OR2C1: variants seen among roughly 807,000 people sequenced by gnomAD.
OR2C1 encodes olfactory receptor family 2 subfamily C member 1.
For synonymous variants in OR2C1, 209 were observed against 167.3 expected (o/e 1.25, Z -1.92); for missense variants, 468 against 388.3 (o/e 1.21, Z -1.73).
At chr16:3,348,356 A>G in the OR2C1 span, among the ~76,000 whole-genome samples, 1 of 152,198 alleles carries the variant, frequency 6.6e-6, no homozygotes, top group Non-Finnish European at 1.5e-5. Flanking sequence ...CAATGAGATT[A>G]TCCAGTTCCT....
chr16:3,332,563 C>A, the OR2C1 span, among the ~76,000 whole-genome samples: 4 of 152,040 alleles, frequency 2.6e-5, no homozygotes, highest in Admixed American at 6.6e-5. Flanking sequence ...TCATGAGATT[C>A]ACTTTATCAG....
At chr16:3,340,903 GT>G in the OR2C1 span, among the ~76,000 whole-genome samples, 1 of 148,724 alleles carries the variant, frequency 6.7e-6, no homozygotes, top group African/African-American at 2.5e-5. Flanking sequence ...CTCCCACTTT[GT>G]TTTTTTTCAA....
upstream of OR2C1, among the ~76,000 whole-genome samples, chr16:3,353,075 G>T (rs1369012754): frequency 6.6e-6 from 1 of 151,938 alleles, no homozygotes; most frequent in Non-Finnish European, 1.5e-5. Context: ...GGGACACAAG[G>T]GAACAAGCAC....
the OR2C1 span, among the ~76,000 whole-genome samples, chr16:3,349,133 T>C: frequency 6.6e-6 from 1 of 152,092 alleles, no homozygotes; most frequent in Non-Finnish European, 1.5e-5. Flanking sequence ...CCCCACGTTG[T>C]ATAGTGTTTT....
chr16:3,349,958 C>G, the OR2C1 span, among the ~76,000 whole-genome samples: 3 of 151,192 alleles, frequency 2.0e-5, no homozygotes, highest in Non-Finnish European at 4.4e-5. Flanking sequence ...TTGGCGGTGA[C>G]ATGGTATTAG....
At chr16:3,337,168 T>A in the OR2C1 span, among the ~76,000 whole-genome samples, 1 of 150,948 alleles carries the variant, frequency 6.6e-6, no homozygotes, top group Non-Finnish European at 1.5e-5. Flanking sequence ...TTTTTTCTTT[T>A]TTTGGAGACA....
At chr16:3,333,429 G>C in the OR2C1 span, among the ~76,000 whole-genome samples, 1 of 151,634 alleles carries the variant, frequency 6.6e-6, no homozygotes, top group African/African-American at 2.4e-5. Context: ...TCCGCCTCCC[G>C]GGTTCGCGCC....
the OR2C1 span, among the ~76,000 whole-genome samples, chr16:3,331,985 C>T: frequency 2.7e-5 from 4 of 150,090 alleles, no homozygotes; most frequent in Admixed American, 2.7e-4. Flanking sequence ...AACAAAAAAC[C>T]AAACACTGCA....
At chr16:3,330,218 T>A in the OR2C1 span, among the ~76,000 whole-genome samples, 1 of 152,066 alleles carries the variant, frequency 6.6e-6, no homozygotes, top group Non-Finnish European at 1.5e-5. Context: ...GCCATTCTCC[T>A]GCCTCAACCT....
the OR2C1 span, among the ~76,000 whole-genome samples, chr16:3,345,570 C>A: frequency 3.3e-5 from 5 of 151,952 alleles, no homozygotes; most frequent in African/African-American, 1.2e-4. Context: ...TATATATACA[C>A]ACACACATAT....
Position 3,356,892 on chromosome 16 carries a change from T to G in OR2C1, c.*13T>G, listed in dbSNP as rs1197460313. The G allele has an allele frequency of 1.1e-5, 17 of 1,539,344 alleles. No homozygotes were observed. The highest frequency in any genetic ancestry group is 1.5e-5 in the Non-Finnish European group (17 of 1,140,670). ...AGAAGTTGGCTGAGAGAACACTCCT[T>G]CGTTATTTATTGCGTCTTCATCTCT... On this transcript the variant is annotated 3_prime_UTR_variant, in exon 1 of 1. Coordinates refer to ENST00000304936, the MANE Select transcript of OR2C1 (RefSeq NM_012368.3).
chr16:3,346,137 T>C, the OR2C1 span, among the ~76,000 whole-genome samples: 1 of 152,148 alleles, frequency 6.6e-6, no homozygotes, highest in Non-Finnish European at 1.5e-5. Context: ...CTCAGCCTGA[T>C]TTTTCTTCAT....
At chr16:3,339,223 C>A in the OR2C1 span, among the ~76,000 whole-genome samples, 1 of 150,692 alleles carries the variant, frequency 6.6e-6, no homozygotes, top group African/African-American at 2.4e-5. Flanking sequence ...TGTTCTATAG[C>A]ATTTCAATCT....
At chr16:3,353,559 G>C (rs1451873908), upstream of OR2C1, among the ~76,000 whole-genome samples, 1 of 151,388 alleles carries the variant, frequency 6.6e-6, no homozygotes, top group Admixed American at 6.6e-5. Context: ...CCAACACTTT[G>C]GGAGGCCAAG....
At chr16:3,353,373 C>T (rs549054025), upstream of OR2C1, among the ~76,000 whole-genome samples, 1 of 151,526 alleles carries the variant, frequency 6.6e-6, no homozygotes, top group South Asian at 2.1e-4. Flanking sequence ...CACCTGTAGT[C>T]CCAGCTACTT....
At chr16:3,333,211 A>ATTTTTTTTTTTTTTTTTTTTTTT in the OR2C1 span, among the ~76,000 whole-genome samples, 6 of 65,806 alleles carry the variant, frequency 9.1e-5, no homozygotes, top group African/African-American at 1.2e-4. Flanking sequence ...TCTTTTGCCC[A>ATTTTTTTTTTTTTTTTTTTTTTT]TTTTTTTTTT....
At chr16:3,347,394 C>G in the OR2C1 span, among the ~76,000 whole-genome samples, 1 of 151,688 alleles carries the variant, frequency 6.6e-6, no homozygotes, top group Non-Finnish European at 1.5e-5. Flanking sequence ...GACCCTGTCT[C>G]TAATTAAATT....
the OR2C1 span, among the ~76,000 whole-genome samples, chr16:3,337,014 TGGC>T: frequency 1.3e-5 from 2 of 151,576 alleles, no homozygotes; most frequent in Non-Finnish European, 2.9e-5. Context: ...GGCCCATGCC[TGGC>T]TAATTTTTTG....
the OR2C1 span, among the ~76,000 whole-genome samples, chr16:3,327,564 G>T: frequency 6.6e-6 from 1 of 151,508 alleles, no homozygotes; most frequent in Non-Finnish European, 1.5e-5. Context: ...GAGAACACCA[G>T]GCATCCCAGA....
Sources: allele counts gnomAD v4.1 joint callset (sites outside exome capture counted in the v4.1 genomes callset), GRCh38; gene constraint gnomAD v4.1.1; transcripts MANE v1.5; gene names NCBI Gene and HGNC (gene_info 2026-07-23, HGNC 2026-07-21).